PRKN: variants seen among roughly 807,000 people sequenced by gnomAD.
PRKN encodes the protein parkin RBR E3 ubiquitin protein ligase, also known as E3 ubiquitin-protein ligase parkin.
A neutral mutation model predicts 59.5 loss-of-function variants in PRKN; 56 were observed. That is an observed-to-expected ratio of 0.94 (90% CI 0.76 to 1.18). The LOEUF (loss-of-function observed/expected upper bound fraction) is 1.18. Ranked by LOEUF, PRKN falls within the 50% of genes most tolerant of loss-of-function variation. The pLI, the probability that PRKN is intolerant of heterozygous loss-of-function variation, is 0.00. For synonymous variants in PRKN, 250 were observed against 222.1 expected (o/e 1.13, Z -1.12); for missense variants, 657 against 596.4 (o/e 1.10, Z -1.06).
intron 1 of PRKN, among the ~76,000 whole-genome samples, chr6:162,716,984 C>G (rs1231774084): frequency 2.0e-5 from 3 of 152,182 alleles, no homozygotes; most frequent in Non-Finnish European, 4.4e-5. Flanking sequence ...TCCCTGAAAC[C>G]TACGACTGTT....
chr6:162,600,304 AGTTT>A (rs1781653649), intron 1 of PRKN, among the ~76,000 whole-genome samples: 1 of 152,180 alleles, frequency 6.6e-6, no homozygotes, highest in African/African-American at 2.4e-5. Context: ...ACATATCAGT[AGTTT>A]ATTTTTTAAT....
chr6:161,668,154 T>A (rs1216706937), intron 7 of PRKN, among the ~76,000 whole-genome samples: 1 of 151,844 alleles, frequency 6.6e-6, no homozygotes, highest in Non-Finnish European at 1.5e-5. Flanking sequence ...TGGTAGTATA[T>A]GCTGACACTT....
At chr6:161,841,404 C>T (rs1433600146) in intron 6 of PRKN, among the ~76,000 whole-genome samples, 1 of 150,884 alleles carries the variant, frequency 6.6e-6, no homozygotes, top group Non-Finnish European at 1.5e-5. Context: ...GGCTGGAGTG[C>T]ACTGGCGTAA....
intron 7 of PRKN, among the ~76,000 whole-genome samples, chr6:161,694,515 T>A (rs547165145): frequency 1.3e-5 from 2 of 150,208 alleles, no homozygotes; most frequent in South Asian, 4.3e-4. Context: ...TCACTATGGA[T>A]TTTTTTTTTA....
At chr6:161,896,728 T>A (rs572927432) in intron 6 of PRKN, among the ~76,000 whole-genome samples, 62 of 152,318 alleles carry the variant, frequency 4.1e-4, no homozygotes, top group African/African-American at 1.5e-3. Context: ...TTGGGGGCCT[T>A]TTCCAATATT....
intron 9 of PRKN, among the ~76,000 whole-genome samples, chr6:161,535,651 A>G (rs986365385): frequency 6.6e-6 from 1 of 152,218 alleles, no homozygotes; most frequent in Non-Finnish European, 1.5e-5. Flanking sequence ...GAATACGAGT[A>G]CGATGTTGTG....
chr6:161,990,097 C>T (rs1159761384), intron 5 of PRKN, among the ~76,000 whole-genome samples: 1 of 152,188 alleles, frequency 6.6e-6, no homozygotes, highest in Non-Finnish European at 1.5e-5. Context: ...CAGCCCACTG[C>T]CACCACTGCC....
intron 1 of PRKN, among the ~76,000 whole-genome samples, chr6:162,518,436 G>C (rs1020773683): frequency 2.0e-5 from 3 of 152,122 alleles, no homozygotes; most frequent in Non-Finnish European, 4.4e-5. Flanking sequence ...CGCAATCTCG[G>C]CTCACTGCAA....
chr6:161,843,331 G>C (rs973520148), intron 6 of PRKN, among the ~76,000 whole-genome samples: 3 of 152,204 alleles, frequency 2.0e-5, no homozygotes, highest in Non-Finnish European at 4.4e-5. Flanking sequence ...TTCTCTGAGA[G>C]ACAGCTGGTT....
intron 4 of PRKN, among the ~76,000 whole-genome samples, chr6:162,168,650 A>T (rs1783108191): frequency 6.6e-6 from 1 of 151,604 alleles, no homozygotes; most frequent in Non-Finnish European, 1.5e-5. Context: ...CAATAGTGAG[A>T]TTTCAGAGAT....
chr6:162,129,855 C>G (rs989535391), intron 4 of PRKN, among the ~76,000 whole-genome samples: 1 of 151,996 alleles, frequency 6.6e-6, no homozygotes, highest in Admixed American at 6.6e-5. Context: ...ATCTGAGAAA[C>G]AAATTTTCCC....
chr6:161,511,880 C>A (rs1778405485), intron 9 of PRKN, among the ~76,000 whole-genome samples: 1 of 152,170 alleles, frequency 6.6e-6, no homozygotes, highest in African/African-American at 2.4e-5. Flanking sequence ...AGAAGAATAT[C>A]TCACTTTAGC....
intron 6 of PRKN, among the ~76,000 whole-genome samples, chr6:161,925,346 C>T (rs12526904): frequency 0.079 from 12,033 of 152,018 alleles, 739 homozygotes; most frequent in East Asian, 0.32. Context: ...CAGAGGCAGG[C>T]GGATCATGAG....
chr6:162,027,577 A>C (rs995007803), intron 5 of PRKN, among the ~76,000 whole-genome samples: 4 of 152,242 alleles, frequency 2.6e-5, no homozygotes, highest in African/African-American at 7.2e-5. Flanking sequence ...GAGCAAGCTC[A>C]TGTCACTTCA....
At chr6:162,372,642 C>A (rs879559690) in intron 2 of PRKN, among the ~76,000 whole-genome samples, 4 of 152,062 alleles carry the variant, frequency 2.6e-5, no homozygotes, top group Non-Finnish European at 5.9e-5. Flanking sequence ...ATGATTTGAA[C>A]CCCAAAGCTC....
chr6:162,306,685 G>C (rs997208063), intron 2 of PRKN, among the ~76,000 whole-genome samples: 1 of 152,176 alleles, frequency 6.6e-6, no homozygotes, highest in Non-Finnish European at 1.5e-5. Context: ...ACTACGCCAG[G>C]CAGTGGGAGA....
At chr6:161,872,210 A>G (rs1794367979) in intron 6 of PRKN, among the ~76,000 whole-genome samples, 1 of 150,466 alleles carries the variant, frequency 6.6e-6, no homozygotes, top group African/African-American at 2.5e-5. Flanking sequence ...CGTCAGTGGG[A>G]GGACGCAGCA....
In PRKN at chr6:161,545,841, G is replaced by C. The variant is rs988216738; in HGVS notation, c.1083+3013C>G. Among the ~76,000 whole-genome samples, 12 of 152,222 alleles carry C rather than the reference G, an allele frequency of 7.9e-5. No homozygotes were observed. Among genetic ancestry groups the C allele is most frequent in the African/African-American group, 2.9e-4 (12 of 41,460 alleles). On this transcript the variant is annotated intron_variant, in intron 9 of 11. Transcript: ENST00000366898. This position sits in a 1 kb window ranked among gnomAD's most constrained non-coding sequence, Gnocchi z 4.1. ...CAAGCATAAATGTGCCTGGTACTCA[G>C]ATCAGACTTGAATAGTCACCATGGT...
At chr6:162,235,721 T>G (rs903272939) in intron 3 of PRKN, among the ~76,000 whole-genome samples, 7 of 151,752 alleles carry the variant, frequency 4.6e-5, no homozygotes, top group African/African-American at 1.7e-4. Context: ...GAGAACTGCT[T>G]GAAGCCGGGA....
Sources: allele counts gnomAD v4.1 joint callset (sites outside exome capture counted in the v4.1 genomes callset), GRCh38; gene constraint gnomAD v4.1.1; non-coding constraint Gnocchi (gnomAD v3.1); transcripts MANE v1.5; gene names NCBI Gene and HGNC (gene_info 2026-07-23, HGNC 2026-07-21).